Variants in PCNX1 observed in about 807,000 individuals in gnomAD.
PCNX1 encodes pecanex-like protein 1.
Under a neutral mutation model 242.2 loss-of-function variants are expected in PCNX1, and 78 were observed. The observed-to-expected ratio is 0.32, with a 90% CI of 0.27 to 0.39. The LOEUF is 0.39. PCNX1 is among the 10% of genes least tolerant of loss of function. The pLI, the probability that PCNX1 is intolerant of heterozygous loss-of-function variation, is 1.00. For synonymous variants in PCNX1, 1,024 were observed against 1,032.9 expected, an observed-to-expected ratio of 0.99 and a Z score of 0.17; for missense variants, 2,581 against 2,856.5, an observed-to-expected ratio of 0.90 and a Z score of 2.20.
intron 1 of PCNX1, among the ~76,000 whole-genome samples, chr14:70,941,997 G>A (rs1256105045): frequency 6.6e-6 from 1 of 152,180 alleles, no homozygotes; most frequent in African/African-American, 2.4e-5. Context: ...GTATTAGGGT[G>A]GGAGTGTCCC....
intron 1 of PCNX1, among the ~76,000 whole-genome samples, chr14:70,927,997 T>C (rs1452111531): frequency 6.6e-6 from 1 of 152,178 alleles, no homozygotes; most frequent in Non-Finnish European, 1.5e-5. Flanking sequence ...TTGTATATAT[T>C]AATATTTCAT....
intron 20 of PCNX1, among the ~76,000 whole-genome samples, chr14:71,046,293 A>G (rs1305067802): frequency 1.3e-5 from 2 of 152,080 alleles, no homozygotes; most frequent in Non-Finnish European, 2.9e-5. Flanking sequence ...TTAAAGACCA[A>G]CACTTTTCAT....
At chr14:70,908,024 C>A in intron 1 of PCNX1, 21 bp downstream of exon 1, 1 of 1,545,220 alleles carries the variant, frequency 6.5e-7, no homozygotes, top group Admixed American at 2.0e-5. Context: ...GGGCGGGGAG[C>A]GGGTGGCTCC....
intron 26 of PCNX1, among the ~76,000 whole-genome samples, chr14:71,068,752 A>G (rs1399054204): frequency 1.6e-5 from 2 of 121,314 alleles, no homozygotes; most frequent in East Asian, 2.3e-4. Context: ...TATATTTTAT[A>G]TACATTATAT....
intron 2 of PCNX1, among the ~76,000 whole-genome samples, chr14:70,953,301 A>G (rs1006608065): frequency 5.3e-5 from 8 of 152,082 alleles, no homozygotes; most frequent in African/African-American, 1.9e-4. Context: ...CATTCATGAA[A>G]TGTAAAAGGT....
intron 20 of PCNX1, 107 bp from the exon 21 acceptor site, chr14:71,046,856 GT>G (rs2060875246): frequency 1.3e-6 from 1 of 776,466 alleles, no homozygotes; most frequent in Non-Finnish European, 2.0e-6. Context: ...TTTAAAAACA[GT>G]TTATTTGTAG....
At chr14:71,091,042 T>G (rs1424466499) in intron 30 of PCNX1, among the ~76,000 whole-genome samples, 1 of 152,198 alleles carries the variant, frequency 6.6e-6, no homozygotes, top group Non-Finnish European at 1.5e-5. Context: ...CTGACAACAT[T>G]TATAAACAGG....
chr14:71,068,027 T>C (rs993191563), intron 26 of PCNX1, among the ~76,000 whole-genome samples: 1 of 151,972 alleles, frequency 6.6e-6, no homozygotes, highest in African/African-American at 2.4e-5. Context: ...AATACTGATA[T>C]CAAAATGTGA....
rs1454060350 is a variant in PCNX1 at position 70,978,170 on chromosome 14, A to T, written c.1833A>T (p.Ala611=). 1 of 1,614,122 alleles carries T rather than the reference A, an allele frequency of 6.2e-7. No homozygotes were observed. Among genetic ancestry groups the T allele is most frequent in the Admixed American group, 1.7e-5 (1 of 60,032 alleles). The change falls in exon 6 of 36, where the codon GCA becomes GCT. Residue 611 remains alanine (A), a synonymous_variant. Coordinates refer to ENST00000304743, the MANE Select transcript of PCNX1 (RefSeq NM_014982.3). The part of the protein sequence containing the change: ...DSSDQSDLSR[A]SSVQSAHQFS... ...GTGATCAGAGTGACTTGAGTAGAGC[A>T]TCAAGTGTTCAGTCTGCTCACCAGT... is the stretch of plus-strand genomic sequence containing the variant.
Position 70,977,959 on chromosome 14 carries a change from A to C in PCNX1, c.1622A>C (p.Asp541Ala). ...KDVGGKQKEG[D>A]VRPKSSSVIH... ...GTTGGTGGAAAGCAAAAGGAAGGGGATGTTCGACCTAAATCTTCTAGCGTA... is the reference window on the plus strand; with the variant it reads ...GTTGGTGGAAAGCAAAAGGAAGGGGCTGTTCGACCTAAATCTTCTAGCGTA... Residue 541 changes from aspartate to alanine, a missense_variant, in exon 6 of 36, where the codon GAT (aspartate) becomes GCT (alanine). Around this residue, in one of 9 missense-constraint regions of PCNX1, gnomAD observed 1,204 missense variants for 1,216.7 expected, o/e 0.99. Coordinates refer to ENST00000304743, the MANE Select transcript of PCNX1 (RefSeq NM_014982.3). 6.2e-7 allele frequency: 1 copy of C among 1,614,132 alleles called. No individual in the cohort carries two copies. Among genetic ancestry groups the C allele is most frequent in the Non-Finnish European group, 8.5e-7 (1 of 1,180,016 alleles).
intron 30 of PCNX1, among the ~76,000 whole-genome samples, chr14:71,092,128 T>G (rs1351748413): frequency 3.3e-5 from 5 of 152,272 alleles, no homozygotes; most frequent in Admixed American, 6.5e-5. Flanking sequence ...TGCCGTAGAT[T>G]GAGGTTTGCA....
chr14:71,102,205 C>T lies in PCNX1; in HGVS notation c.5805C>T (p.Ser1935=), dbSNP rs2062482168. Residue 1935 remains serine, a synonymous_variant, in exon 31 of 36, where the codon AGC becomes AGT. Transcript: ENST00000304743. ...TCATGCTCAACAGACGCTACCTGAG[C>T]TTCAGGGTCATTAAAGTAAGTGTTT... ...KIIMLNRRYL[S]FRVIKVNKEC... is the part of the protein sequence containing the mutation. 2 of 1,609,032 alleles carry T rather than the reference C, an allele frequency of 1.2e-6. No homozygotes were observed. The highest frequency in any genetic ancestry group is 1.3e-5 in the African/African-American group (1 of 74,788).
intron 6 of PCNX1, among the ~76,000 whole-genome samples, chr14:70,987,829 T>G (rs2059045019): frequency 6.6e-6 from 1 of 152,144 alleles, no homozygotes; most frequent in African/African-American, 2.4e-5. Context: ...AGTACAAACA[T>G]TTTTGCTTGT....
intron 25 of PCNX1, among the ~76,000 whole-genome samples, chr14:71,057,261 A>G (rs149682449): frequency 1.8e-3 from 276 of 152,342 alleles, no homozygotes; most frequent in African/African-American, 6.3e-3. Flanking sequence ...ATTGCTTCAA[A>G]TCAAATTCTC....
intron 30 of PCNX1, among the ~76,000 whole-genome samples, chr14:71,094,915 A>G (rs1422530054): frequency 6.6e-6 from 1 of 152,212 alleles, no homozygotes; most frequent in African/African-American, 2.4e-5. Flanking sequence ...TGAGCGACAG[A>G]CCAAGACCTT....
chr14:70,990,951 G>C (rs1158452694), intron 7 of PCNX1, among the ~76,000 whole-genome samples: 5 of 151,544 alleles, frequency 3.3e-5, no homozygotes, highest in Admixed American at 3.3e-4. Context: ...CTTACTCCAT[G>C]TTTATATAAA....
chr14:71,023,929 G>T (rs1451732730), intron 13 of PCNX1, among the ~76,000 whole-genome samples: 1 of 152,034 alleles, frequency 6.6e-6, no homozygotes. Context: ...AAACAAAGAG[G>T]CAAGTGTGGT....
chr14:70,937,485 C>T lies in PCNX1; in HGVS notation c.154-9430C>T, dbSNP rs372491248. On this transcript the variant is annotated intron_variant, in intron 1 of 35. Coordinates refer to ENST00000304743, the MANE Select transcript of PCNX1 (RefSeq NM_014982.3). ...TTCTGAGGGCTCTGTTCTGTTCCAT[C>T]GGTCTATATCTCTGTTTTGGTACCA... 9.1e-3 allele frequency among the ~76,000 whole-genome samples: 1,379 copies of T among 152,124 alleles called. 9 individuals carry two copies. Among genetic ancestry groups the T allele is most frequent in the Non-Finnish European group, 0.012 (843 of 67,988 alleles).
chr14:71,053,284 T>A (rs1018148833), intron 24 of PCNX1: 1 of 452,972 alleles, frequency 2.2e-6, no homozygotes, highest in Non-Finnish European at 4.4e-6. Context: ...TTCTTTTTCT[T>A]TTTTTGAGAC....
Sources: allele counts gnomAD v4.1 joint callset (sites outside exome capture counted in the v4.1 genomes callset), GRCh38; gene constraint gnomAD v4.1.1; regional missense constraint gnomAD v4.1.1; transcripts MANE v1.5; gene names NCBI Gene and HGNC (gene_info 2026-07-23, HGNC 2026-07-21).